LIMS3: variants seen among roughly 807,000 people sequenced by gnomAD.
The protein encoded by LIMS3 is LIM zinc finger domain containing 3.
chr2:109,918,336 CAAAAA>C (rs779481865), intron 5 of LIMS3, among the ~76,000 whole-genome samples: 92 of 28,170 alleles, frequency 3.3e-3, no homozygotes, highest in East Asian at 8.8e-3. Context: ...AGACTCGTCT[CAAAAA>C]AAAAAAAAAA....
rs1359595193 is a variant in LIMS3, at chr2:109,924,129, G to A, written c.974-219G>A. Among the ~76,000 whole-genome samples the A allele has an allele frequency of 1.4e-4, 4 of 29,312 alleles. No homozygotes were observed. In the Admixed American group the frequency reaches 1.6e-3, roughly 11 times the overall value. The allele number at this position is 29,312 out of a possible 152,430, so 19.2% of individuals were successfully genotyped here. ...GAGGTGGGAGGATCACTTGAGCCTG[G>A]GAGGTTGGGGCTACAGTGAGCCAAG... On this transcript the variant is annotated intron_variant, in intron 8 of 9. Transcript: ENST00000480744.
intron 8 of LIMS3, among the ~76,000 whole-genome samples, chr2:109,924,029 GTC>G (rs1315849747): frequency 1.7e-5 from 1 of 59,732 alleles, no homozygotes; most frequent in Non-Finnish European, 3.1e-5. Context: ...GCGAGACTCT[GTC>G]TCAAAAAAAA....
intron 2 of LIMS3, among the ~76,000 whole-genome samples, chr2:109,913,192 ACATTAAAAATGGATAT>A (rs1269407515): frequency 1.3e-4 from 11 of 82,230 alleles, no homozygotes; most frequent in East Asian, 1.3e-3. Context: ...GACAACTGAT[ACATTAAAAATGGATAT>A]CATTAAAAAT....
At chr2:109,924,082 A>T (rs1574002935) in intron 8 of LIMS3, among the ~76,000 whole-genome samples, 1 of 54,718 alleles carries the variant, frequency 1.8e-5, no homozygotes. Flanking sequence ...CATGCACTGT[A>T]GTCCCAGCTA....
intron 5 of LIMS3, among the ~76,000 whole-genome samples, chr2:109,917,580 CT>C (rs1326169181): frequency 2.0e-3 from 3 of 1,512 alleles, no homozygotes; most frequent in African/African-American, 2.0e-3. Context: ...AATTTTTTGT[CT>C]TCAATAAGTT....
At chr2:109,913,015 AC>A (rs1435774535) in intron 2 of LIMS3, among the ~76,000 whole-genome samples, 9 of 135,478 alleles carry the variant, frequency 6.6e-5, no homozygotes, top group South Asian at 2.6e-4. Flanking sequence ...TGCACTCCAG[AC>A]TGGGCAACAG....
intron 3 of LIMS3, chr2:109,914,717 C>A: frequency 5.9e-6 from 1 of 170,746 alleles, no homozygotes; most frequent in South Asian, 3.0e-5. Flanking sequence ...AGGAGAATCG[C>A]TTGAACCCAG....
intron 8 of LIMS3, among the ~76,000 whole-genome samples, chr2:109,924,079 T>C (rs1574002924): frequency 1.8e-5 from 1 of 55,732 alleles, no homozygotes; most frequent in Non-Finnish European, 3.2e-5. Context: ...TGGCATGCAC[T>C]GTAGTCCCAG....
In LIMS3 at chr2:109,923,970, G is replaced by A. The variant is rs539984992; in HGVS notation, c.974-378G>A. On this transcript the variant is annotated intron_variant, in intron 8 of 9. Coordinates refer to ENST00000480744, the MANE Select transcript of LIMS3 (RefSeq NM_001394901.1). ...GAATCGCTTGAACCCAGGAGGCGGA[G>A]GTTGCAGTGAGCTGTGATTGCGCCA... is the stretch of plus-strand genomic sequence containing the variant. Among the ~76,000 whole-genome samples the A allele has an allele frequency of 1.8e-3, 53 of 29,564 alleles. 1 individual carries two copies. Among genetic ancestry groups the A allele is most frequent in the African/African-American group, 9.8e-3 (45 of 4,594 alleles). 19.4% of individuals were successfully genotyped at this position (29,564 alleles called of 152,430 possible).
intron 2 of LIMS3, among the ~76,000 whole-genome samples, chr2:109,913,038 G>GA (rs1187204657): frequency 1.3e-3 from 147 of 115,378 alleles, no homozygotes; most frequent in South Asian, 7.2e-3. Flanking sequence ...GCGGGACTGG[G>GA]AAAAAAAAAA....
At chr2:109,918,301 GC>G (rs1677056225) in intron 5 of LIMS3, among the ~76,000 whole-genome samples, 1 of 146,082 alleles carries the variant, frequency 6.8e-6, no homozygotes, top group Admixed American at 6.8e-5. Context: ...TCGCGCCACT[GC>G]ACTCCAGCCT....
intron 8 of LIMS3, among the ~76,000 whole-genome samples, chr2:109,924,115 A>C (rs1381374316): frequency 2.9e-5 from 1 of 34,854 alleles, no homozygotes; most frequent in Non-Finnish European, 4.8e-5. Flanking sequence ...AGGTGGGAGG[A>C]TCACTTGAGC....
intron 2 of LIMS3, among the ~76,000 whole-genome samples, chr2:109,912,957 T>G (rs1220914385): frequency 2.0e-5 from 3 of 151,300 alleles, no homozygotes. Context: ...GCAGGAGAAT[T>G]GCTTGAACCC....
At chr2:109,913,038 GA>G (rs1187204657) in intron 2 of LIMS3, among the ~76,000 whole-genome samples, 191 of 115,376 alleles carry the variant, frequency 1.7e-3, no homozygotes, top group African/African-American at 1.8e-3. Flanking sequence ...GCGGGACTGG[GA>G]AAAAAAAAAG....
intron 5 of LIMS3, among the ~76,000 whole-genome samples, chr2:109,917,966 AT>A (rs1677045014): frequency 1.2e-5 from 1 of 86,200 alleles, no homozygotes; most frequent in African/African-American, 3.7e-5. Flanking sequence ...AATTAAAAAA[AT>A]ATTCTTTACT....
intron 2 of LIMS3, among the ~76,000 whole-genome samples, chr2:109,913,949 T>TA (rs1677018526): frequency 2.2e-5 from 2 of 92,928 alleles, no homozygotes; most frequent in South Asian, 4.5e-4. Flanking sequence ...GACTCCCATT[T>TA]AAAAAAATAA....
At chr2:109,912,867 A>ACCC (rs547724955) in intron 2 of LIMS3, among the ~76,000 whole-genome samples, 446 of 152,164 alleles carry the variant, frequency 2.9e-3, no homozygotes, top group Non-Finnish European at 3.9e-3. Context: ...ACATGGTGAA[A>ACCC]CCCCATCTCT....
intron 8 of LIMS3, among the ~76,000 whole-genome samples, chr2:109,924,032 T>A (rs1298536774): frequency 1.7e-5 from 1 of 59,274 alleles, no homozygotes; most frequent in Non-Finnish European, 3.1e-5. Context: ...AGACTCTGTC[T>A]CAAAAAAAAA....
At chr2:109,918,317 A>G (rs1485288140) in intron 5 of LIMS3, among the ~76,000 whole-genome samples, 2 of 144,226 alleles carry the variant, frequency 1.4e-5, no homozygotes, top group African/African-American at 5.0e-5. Flanking sequence ...CAGCCTGGGC[A>G]GCAAAGCAAG....
Sources: gnomAD v4.1 joint callset for allele counts (sites outside exome capture counted in the v4.1 genomes callset) on GRCh38, gnomAD v4.1.1 for gene constraint, MANE v1.5 for transcripts, NCBI Gene and HGNC (gene_info 2026-07-23, HGNC 2026-07-21) for gene names.